GSPT1: variants seen among roughly 807,000 people sequenced by gnomAD.
The protein encoded by GSPT1 is eukaryotic peptide chain release factor GTP-binding subunit ERF3A.
Under a neutral mutation model 72.5 loss-of-function variants are expected in GSPT1, and 20 were observed. The ratio of observed to expected loss-of-function variants is 0.28; its 90% CI spans 0.19 to 0.40. GSPT1 has a LOEUF of 0.40. Among genes scored for constraint, GSPT1 ranks in the 10% least tolerant of loss-of-function variants. The pLI is 1.00. For synonymous variants in GSPT1, 334 were observed against 293.5 expected (o/e 1.14, Z -1.41); for missense variants, 580 against 811.9 (o/e 0.71, Z 3.47).
At chr16:11,904,679 G>A (rs963193613) in intron 1 of GSPT1, among the ~76,000 whole-genome samples, 7 of 151,938 alleles carry the variant, frequency 4.6e-5, no homozygotes, top group Non-Finnish European at 5.9e-5. Context: ...AAAAAGCTAC[G>A]TTTTGATTCA....
At chr16:11,887,036 T>TTC in intron 7 of GSPT1, 105 bp from the exon 8 acceptor site, 1 of 938,490 alleles carries the variant, frequency 1.1e-6, no homozygotes, top group Non-Finnish European at 1.6e-6. Flanking sequence ...TTTTTTTTTT[T>TTC]TTGCAAGAAA....
Position 11,915,620 on chromosome 16 carries a change from G to A in GSPT1, c.101C>T (p.Ala34Val), listed in dbSNP as rs1030449367. Reference sequence around the variant, plus strand: ...GCCCGGCCCGGGGGCTTCCATGTCCGCCTGGTCCCAGCAGTCAGGCGCCGA... The same window carrying A: ...GCCCGGCCCGGGGGCTTCCATGTCCACCTGGTCCCAGCAGTCAGGCGCCGA... The part of the protein sequence containing the change: ...SDSAPDCWDQ[A>V]DMEAPGPGPC... Residue 34 changes from alanine to valine, a missense_variant, in exon 1 of 15, where the codon GCG (alanine) becomes GTG (valine). Transcript: ENST00000434724. 3.3e-6 allele frequency: 5 copies of A among 1,493,838 alleles called. No individual in the cohort carries two copies. The highest frequency in any genetic ancestry group is 4.4e-6 in the Non-Finnish European group (5 of 1,126,360). 92.5% of individuals were successfully genotyped at this position (1,493,838 alleles called of 1,614,324 possible).
chr16:11,894,493 A>G (rs1331793988), intron 5 of GSPT1, among the ~76,000 whole-genome samples: 1 of 152,176 alleles, frequency 6.6e-6, no homozygotes, highest in Admixed American at 6.6e-5. Context: ...ACCAGATTCA[A>G]GAGCTGGTTG....
At chr16:11,885,337 A>G in intron 9 of GSPT1, 63 bp from the exon 10 acceptor site, 3 of 784,856 alleles carry the variant, frequency 3.8e-6, no homozygotes, top group East Asian at 2.6e-5. Context: ...GTTAAGTTAC[A>G]TGACTATAAA....
At position 11,897,013 on chromosome 16, in the gene GSPT1, T is replaced by C. The variant is rs1022261441; in HGVS notation, c.437-228A>G. Among the ~76,000 whole-genome samples the C allele has an allele frequency of 7.2e-5, 11 of 152,186 alleles. No homozygotes were observed. The East Asian group carries it at 1.2e-3, about 16-fold the overall frequency. On this transcript the variant is annotated intron_variant, in intron 3 of 14. Transcript: ENST00000434724. The stretch of plus-strand genomic sequence containing the variant: ...GAGGGCACTGACTCACAGGCTGAGA[T>C]TGCTATTTTAGCAAAGCTTCATTTT...
At chr16:11,881,901 G>C (rs1227958989) in intron 11 of GSPT1, 1 of 151,990 alleles carries the variant, frequency 6.6e-6, no homozygotes, top group East Asian at 1.9e-4. Context: ...TCAAGCAATC[G>C]GTCCACCTCA....
At chr16:11,905,741 G>A (rs1164276670) in intron 1 of GSPT1, among the ~76,000 whole-genome samples, 4 of 152,034 alleles carry the variant, frequency 2.6e-5, no homozygotes, top group Non-Finnish European at 4.4e-5. Flanking sequence ...AGGCTGTGGC[G>A]GGAGAATGGC....
chr16:11,883,662 C>G (rs1352906415), intron 10 of GSPT1, among the ~76,000 whole-genome samples: 1 of 151,362 alleles, frequency 6.6e-6, no homozygotes, highest in Non-Finnish European at 1.5e-5. Context: ...CGCCTGTAAT[C>G]CCAGCACTTT....
At chr16:11,902,077 G>A (rs1238615272) in intron 1 of GSPT1, among the ~76,000 whole-genome samples, 15 of 125,834 alleles carry the variant, frequency 1.2e-4, no homozygotes, top group Admixed American at 1.1e-3. Context: ...CAACAAGAGC[G>A]AAACTCCATC....
chr16:11,874,995 T>C (rs1447710546), intron 14 of GSPT1, among the ~76,000 whole-genome samples: 3 of 152,104 alleles, frequency 2.0e-5, no homozygotes, highest in African/African-American at 4.8e-5. Context: ...ATCAAGACCA[T>C]CCTGGCTAAC....
chr16:11,913,609 T>A (rs758504241), intron 1 of GSPT1, among the ~76,000 whole-genome samples: 2 of 152,016 alleles, frequency 1.3e-5, no homozygotes, highest in Non-Finnish European at 2.9e-5. Context: ...GTAAATGGAG[T>A]CCTGAGTCTA....
intron 1 of GSPT1, among the ~76,000 whole-genome samples, chr16:11,902,218 T>C (rs968458426): frequency 8.0e-5 from 12 of 150,140 alleles, no homozygotes; most frequent in African/African-American, 2.9e-4. Context: ...CTGTCTCTAC[T>C]AAAAATACAA....
chr16:11,913,336 A>G (rs1267364579), intron 1 of GSPT1, among the ~76,000 whole-genome samples: 1 of 152,256 alleles, frequency 6.6e-6, no homozygotes, highest in African/African-American at 2.4e-5. Context: ...AGCAATTGGT[A>G]AAGTCGGTAA....
chr16:11,873,915 G>C (rs33658), intron 14 of GSPT1, among the ~76,000 whole-genome samples: 3 of 152,228 alleles, frequency 2.0e-5, no homozygotes, highest in Non-Finnish European at 4.4e-5. Context: ...TTAAAAATAA[G>C]AAAAGGGAAT....
At chr16:11,876,740 C>T (rs1353459544) in intron 12 of GSPT1, among the ~76,000 whole-genome samples, 1 of 152,160 alleles carries the variant, frequency 6.6e-6, no homozygotes, top group Non-Finnish European at 1.5e-5. Context: ...AAGACCCCAT[C>T]TCCAAACAAA....
chr16:11,886,660 A>T (rs1567439827), intron 8 of GSPT1, 49 bp from the exon 9 acceptor site: 1 of 1,563,934 alleles, frequency 6.4e-7, no homozygotes, highest in South Asian at 1.1e-5. Flanking sequence ...GTAAACCAAG[A>T]ACTCTAGTTT....
upstream of GSPT1, chr16:11,915,991 C>T: frequency 1.4e-6 from 1 of 695,752 alleles, no homozygotes; most frequent in Non-Finnish European, 2.7e-6. Flanking sequence ...CCGACGGCCT[C>T]ACAGCCAACC....
At chr16:11,887,140 G>C (rs2054195399) in intron 7 of GSPT1, among the ~76,000 whole-genome samples, 1 of 149,832 alleles carries the variant, frequency 6.7e-6, no homozygotes, top group Non-Finnish European at 1.5e-5. Flanking sequence ...CCAAAATCTA[G>C]TATACCTGCA....
At chr16:11,910,269 G>A (rs890230824) in intron 1 of GSPT1, among the ~76,000 whole-genome samples, 1 of 152,184 alleles carries the variant, frequency 6.6e-6, no homozygotes, top group Non-Finnish European at 1.5e-5. Flanking sequence ...AAGACTGAGA[G>A]GTTTTACGTA....
Sources: gnomAD v4.1 joint callset for allele counts (sites outside exome capture counted in the v4.1 genomes callset) on GRCh38, gnomAD v4.1.1 for gene constraint, MANE v1.5 for transcripts, NCBI Gene and HGNC (gene_info 2026-07-23, HGNC 2026-07-21) for gene names.